TBC1D22A: variants seen among roughly 807,000 people sequenced by gnomAD.
TBC1D22A encodes putative GTPase activator.
In TBC1D22A, 38 loss-of-function variants were observed where a neutral mutation model predicts 60.2. The observed-to-expected ratio is 0.63, with a 90% CI of 0.49 to 0.83. The LOEUF (loss-of-function observed/expected upper bound fraction) is 0.83, where lower values mean the gene tolerates loss of function less well. TBC1D22A is among the 40% of genes least tolerant of loss of function. TBC1D22A has a pLI of 0.00. For synonymous variants in TBC1D22A, 302 were observed against 281.7 expected (o/e 1.07, Z -0.72); for missense variants, 628 against 701.0 (o/e 0.90, Z 1.18).
chr22:46,958,133 C>T (rs2073307299), intron 8 of TBC1D22A, among the ~76,000 whole-genome samples: 1 of 152,008 alleles, frequency 6.6e-6, no homozygotes, highest in African/African-American at 2.4e-5. Flanking sequence ...ATCAGGGAGC[C>T]CTGAGGGCTT....
At chr22:47,119,972 A>C (rs1166169666) in intron 12 of TBC1D22A, among the ~76,000 whole-genome samples, 1 of 152,166 alleles carries the variant, frequency 6.6e-6, no homozygotes, top group Non-Finnish European at 1.5e-5. Context: ...CCTTCACGGC[A>C]CCCATCCCAT....
chr22:47,146,170 C>T lies in TBC1D22A; in HGVS notation c.1426-27328C>T, dbSNP rs577964839. Among the ~76,000 whole-genome samples, 28 of 150,052 alleles carry T rather than the reference C, an allele frequency of 1.9e-4. No individual in the cohort carries two copies. In the East Asian group the frequency reaches 2.0e-3, roughly 11 times the overall value. On this transcript the variant is annotated intron_variant, in intron 12 of 12. Coordinates refer to ENST00000337137, the MANE Select transcript of TBC1D22A (RefSeq NM_014346.5). ...CTTAAAACAGGGGTTGACTGGGGGC[C>T]GCGGCGCGGGGACGCACTGGATTGC...
At chr22:47,005,373 T>C (rs144405591) in intron 10 of TBC1D22A, among the ~76,000 whole-genome samples, 3 of 151,256 alleles carry the variant, frequency 2.0e-5, no homozygotes, top group Non-Finnish European at 4.4e-5. Flanking sequence ...CACACATGTC[T>C]GTACACACAT....
intron 8 of TBC1D22A, among the ~76,000 whole-genome samples, chr22:46,919,901 C>T (rs1013074481): frequency 1.3e-5 from 2 of 152,106 alleles, no homozygotes; most frequent in Non-Finnish European, 2.9e-5. Flanking sequence ...CCCCATAGCC[C>T]AGCAACTTCA....
At chr22:47,159,719 ACACAAACACTG>A (rs1170614709) in intron 12 of TBC1D22A, among the ~76,000 whole-genome samples, 1 of 151,696 alleles carries the variant, frequency 6.6e-6, no homozygotes, top group Non-Finnish European at 1.5e-5. Flanking sequence ...CACGCACACT[ACACAAACACTG>A]CACACCATTC....
At chr22:47,039,734 C>T (rs1457529045) in intron 11 of TBC1D22A, among the ~76,000 whole-genome samples, 1 of 131,004 alleles carries the variant, frequency 7.6e-6, no homozygotes, top group East Asian at 2.0e-4. Flanking sequence ...AAAAGAAATA[C>T]CTGGGCCTGG....
intron 4 of TBC1D22A, among the ~76,000 whole-genome samples, chr22:46,856,566 G>T (rs189023878): frequency 6.6e-6 from 1 of 152,094 alleles, no homozygotes; most frequent in Admixed American, 6.6e-5. Context: ...CAATGATATT[G>T]AAGGAAAAAA....
intron 12 of TBC1D22A, among the ~76,000 whole-genome samples, chr22:47,111,810 C>T (rs961160187): frequency 1.3e-5 from 2 of 152,198 alleles, no homozygotes; most frequent in South Asian, 4.1e-4. Context: ...GGAAACGCTG[C>T]CCACGTTATG....
At chr22:47,033,021 ACTGCTC>A (rs1271519518) in intron 10 of TBC1D22A, among the ~76,000 whole-genome samples, 2 of 152,248 alleles carry the variant, frequency 1.3e-5, no homozygotes, top group Non-Finnish European at 2.9e-5. Flanking sequence ...CAAGTAGCCA[ACTGCTC>A]CTTCATGGAA....
intron 8 of TBC1D22A, among the ~76,000 whole-genome samples, chr22:46,937,991 A>G (rs1481055942): frequency 6.6e-6 from 1 of 152,232 alleles, no homozygotes; most frequent in African/African-American, 2.4e-5. Context: ...AATAAAGTAA[A>G]AAAGGTACAT....
chr22:47,087,835 G>C (rs71313093), intron 11 of TBC1D22A, among the ~76,000 whole-genome samples: 1 of 152,120 alleles, frequency 6.6e-6, no homozygotes, highest in African/African-American at 2.4e-5. Context: ...CAGCACTTTA[G>C]AAGGCTGAGG....
intron 7 of TBC1D22A, among the ~76,000 whole-genome samples, 158 bp downstream of exon 7, chr22:46,895,004 C>G (rs2068599525): frequency 6.6e-6 from 1 of 152,228 alleles, no homozygotes; most frequent in South Asian, 2.1e-4. Context: ...CAGTTGCTGA[C>G]AGGACTTCTA....
intron 8 of TBC1D22A, among the ~76,000 whole-genome samples, chr22:46,940,840 A>G (rs1262018739): frequency 1.0e-5 from 1 of 98,816 alleles, no homozygotes; most frequent in African/African-American, 4.1e-5. Context: ...ATATATATAT[A>G]TGTATGTATG....
chr22:46,783,938 G>A (rs1343164067), intron 1 of TBC1D22A, among the ~76,000 whole-genome samples: 2 of 152,154 alleles, frequency 1.3e-5, no homozygotes, highest in African/African-American at 4.8e-5. Flanking sequence ...GTGGAATTAC[G>A]TCATATGCAT....
chr22:47,035,940 G>C (rs895447073), intron 10 of TBC1D22A, among the ~76,000 whole-genome samples: 1 of 152,222 alleles, frequency 6.6e-6, no homozygotes, highest in African/African-American at 2.4e-5. Context: ...AGTTACCAGG[G>C]ACTTGAGTAA....
chr22:46,900,780 T>C (rs915672993), intron 7 of TBC1D22A, among the ~76,000 whole-genome samples: 2 of 152,218 alleles, frequency 1.3e-5, no homozygotes, highest in African/African-American at 4.8e-5. Context: ...AGTGTGTCTG[T>C]CTGTGCACCC....
At chr22:46,796,012 T>TA (rs1395458600) in intron 3 of TBC1D22A, among the ~76,000 whole-genome samples, 1 of 152,146 alleles carries the variant, frequency 6.6e-6, no homozygotes, top group Non-Finnish European at 1.5e-5. Flanking sequence ...CTGTCTGCAG[T>TA]AAGGCCGGCA....
intron 11 of TBC1D22A, among the ~76,000 whole-genome samples, chr22:47,055,874 A>G (rs28433937): frequency 0.11 from 10,289 of 93,922 alleles, 475 homozygotes; most frequent in African/African-American, 0.15. Flanking sequence ...CGGAGGGTTG[A>G]TGAGATACGC....
In TBC1D22A at chr22:47,051,286, A is replaced by G. The variant is rs138145052; in HGVS notation, c.1329+14088A>G. Among the ~76,000 whole-genome samples the G allele has an allele frequency of 7.0e-3, 1,072 of 152,350 alleles. 15 individuals are homozygous for G. The highest frequency in any genetic ancestry group is 0.025 in the African/African-American group (1,022 of 41,588). ...ATAGAGCAAATTTCCCTAGAATTGT[A>G]TTTATCAGAGAAGGTACCTGGTTAT... On this transcript the variant is annotated intron_variant, in intron 11 of 12. Transcript: ENST00000337137.
Sources: gnomAD v4.1 joint callset for allele counts (sites outside exome capture counted in the v4.1 genomes callset) on GRCh38, gnomAD v4.1.1 for gene constraint, MANE v1.5 for transcripts, NCBI Gene and HGNC (gene_info 2026-07-23, HGNC 2026-07-21) for gene names.